The following PKIA variants were observed in gnomAD, a reference collection of about 807,000 sequenced individuals.
PKIA encodes the protein cAMP-dependent protein kinase inhibitor alpha.
A neutral mutation model predicts 7.6 loss-of-function variants in PKIA; 4 were observed. The ratio of observed to expected loss-of-function variants is 0.52; its 90% CI spans 0.26 to 1.20. The LOEUF (loss-of-function observed/expected upper bound fraction) is 1.20, where lower values mean the gene tolerates loss of function less well. Among genes scored for constraint, PKIA ranks in the 50% most tolerant of loss-of-function variants. The pLI is 0.13. For synonymous variants in PKIA, 21 were observed against 30.7 expected (o/e 0.68, Z 1.04); for missense variants, 73 against 86.2 (o/e 0.85, Z 0.61).
chr8:78,568,121 T>C (rs933085533), intron 1 of PKIA, among the ~76,000 whole-genome samples: 30 of 152,126 alleles, frequency 2.0e-4, no homozygotes, highest in African/African-American at 7.2e-4. Context: ...GCTGACTGAG[T>C]GAAGAGATAT....
chr8:78,599,747 C>G (rs1808310856), intron 3 of PKIA, among the ~76,000 whole-genome samples: 1 of 151,898 alleles, frequency 6.6e-6, no homozygotes, highest in Non-Finnish European at 1.5e-5. Context: ...TTGCTGCAGT[C>G]TTGCATAAGA....
At chr8:78,551,288 A>T (rs1414049713) in intron 1 of PKIA, among the ~76,000 whole-genome samples, 2 of 152,082 alleles carry the variant, frequency 1.3e-5, no homozygotes, top group African/African-American at 4.8e-5. Flanking sequence ...AAAGTGGGCC[A>T]TACCCAGTGA....
At chr8:78,577,803 C>A (rs1183626310) in intron 2 of PKIA, among the ~76,000 whole-genome samples, 1 of 151,940 alleles carries the variant, frequency 6.6e-6, no homozygotes, top group African/African-American at 2.4e-5. Flanking sequence ...TTCAAAAATT[C>A]ATATTCAGAA....
intron 1 of PKIA, chr8:78,536,114 A>C (rs1806515085): frequency 6.6e-6 from 1 of 152,122 alleles, no homozygotes; most frequent in South Asian, 2.1e-4. Context: ...AACAAGACCA[A>C]AAAAACCACA....
intron 1 of PKIA, among the ~76,000 whole-genome samples, chr8:78,545,107 AAAATG>A (rs1806788108): frequency 6.6e-6 from 1 of 152,182 alleles, no homozygotes; most frequent in African/African-American, 2.4e-5. Context: ...CTTCCTTATT[AAAATG>A]AAAAGAAAGG....
At chr8:78,570,705 C>T (rs370308500) in intron 1 of PKIA, among the ~76,000 whole-genome samples, 2 of 152,118 alleles carry the variant, frequency 1.3e-5, no homozygotes, top group Admixed American at 6.6e-5. Context: ...CTTTATCTGG[C>T]TGCTACCATG....
chr8:78,524,169 T>C (rs544778069), intron 1 of PKIA, among the ~76,000 whole-genome samples: 261 of 139,932 alleles, frequency 1.9e-3, no homozygotes, highest in African/African-American at 6.4e-3. Context: ...AATATATGTA[T>C]AAACATTTAT....
intron 2 of PKIA, among the ~76,000 whole-genome samples, chr8:78,582,138 C>T (rs923322500): frequency 6.7e-6 from 1 of 149,820 alleles, no homozygotes; most frequent in Non-Finnish European, 1.5e-5. Context: ...GCTAATCTCT[C>T]TTGCTAATAC....
chr8:78,545,953 G>GT (rs1563574248), intron 1 of PKIA, among the ~76,000 whole-genome samples: 3 of 152,122 alleles, frequency 2.0e-5, no homozygotes, highest in African/African-American at 7.2e-5. Flanking sequence ...AAAGATTTAT[G>GT]TATTTTATCC....
intron 1 of PKIA, among the ~76,000 whole-genome samples, chr8:78,570,048 T>C (rs1214105843): frequency 1.3e-5 from 2 of 151,740 alleles, no homozygotes; most frequent in African/African-American, 4.8e-5. Flanking sequence ...GAACGAAAAA[T>C]AAAAAGCTAA....
At chr8:78,540,383 A>G (rs1316384648) in intron 1 of PKIA, among the ~76,000 whole-genome samples, 1 of 152,012 alleles carries the variant, frequency 6.6e-6, no homozygotes, top group Non-Finnish European at 1.5e-5. Context: ...TTTGGATGGT[A>G]GTATTTAGCT....
chr8:78,534,848 T>C (rs1806480040), intron 1 of PKIA: 1 of 152,190 alleles, frequency 6.6e-6, no homozygotes, highest in African/African-American at 2.4e-5. Flanking sequence ...TATCATTATC[T>C]ATTCTTGAGA....
intron 1 of PKIA, among the ~76,000 whole-genome samples, chr8:78,565,963 A>G (rs1238860646): frequency 1.3e-5 from 2 of 151,962 alleles, no homozygotes; most frequent in African/African-American, 4.8e-5. Flanking sequence ...TGTTTGCCTT[A>G]CACCAGTGTT....
intron 2 of PKIA, among the ~76,000 whole-genome samples, chr8:78,574,812 C>T (rs1218271529): frequency 1.3e-5 from 2 of 151,952 alleles, no homozygotes; most frequent in Non-Finnish European, 2.9e-5. Context: ...ACACCTTATT[C>T]TTTTCCTGCA....
At chr8:78,524,029 T>G (rs1585864920) in intron 1 of PKIA, among the ~76,000 whole-genome samples, 1 of 132,548 alleles carries the variant, frequency 7.5e-6, no homozygotes, top group East Asian at 2.1e-4. Context: ...AACGTTTATA[T>G]AAACGTTTAT....
At chr8:78,573,287 G>C (rs1320199533) in intron 2 of PKIA, among the ~76,000 whole-genome samples, 1 of 151,938 alleles carries the variant, frequency 6.6e-6, no homozygotes, top group African/African-American at 2.4e-5. Context: ...GTGACCCTCT[G>C]TGAAGGTCAT....
intron 2 of PKIA, among the ~76,000 whole-genome samples, chr8:78,591,453 A>G (rs908596956): frequency 3.2e-4 from 48 of 152,186 alleles, no homozygotes; most frequent in Non-Finnish European, 6.8e-4. Flanking sequence ...TTTGAAATCC[A>G]TTATATAAAG....
At chr8:78,548,424 C>G (rs1156477161) in intron 1 of PKIA, among the ~76,000 whole-genome samples, 1 of 152,076 alleles carries the variant, frequency 6.6e-6, no homozygotes, top group African/African-American at 2.4e-5. Context: ...AAAACTGCAG[C>G]TCATTGGAAT....
chr8:78,592,079 A>C (rs1808111449), intron 2 of PKIA, among the ~76,000 whole-genome samples: 1 of 152,076 alleles, frequency 6.6e-6, no homozygotes, highest in South Asian at 2.1e-4. Flanking sequence ...TATCTCTCAG[A>C]GTCATATTAC....
Sources: gnomAD v4.1 joint callset for allele counts (sites outside exome capture counted in the v4.1 genomes callset) on GRCh38, gnomAD v4.1.1 for gene constraint, MANE v1.5 for transcripts, NCBI Gene and HGNC (gene_info 2026-07-23, HGNC 2026-07-21) for gene names.